RFX6: variants seen among roughly 807,000 people sequenced by gnomAD.
The protein encoded by RFX6 is DNA-binding protein RFX6.
RFX6 carries 50 observed loss-of-function variants against 110.8 expected under a neutral mutation model. The ratio of observed to expected loss-of-function variants is 0.45; its 90% CI spans 0.36 to 0.57. RFX6 has a LOEUF of 0.57. RFX6 is among the 20% of genes least tolerant of loss of function. RFX6 has a pLI of 0.00. For missense variants in RFX6, 990 were observed against 1,127.0 expected, an observed-to-expected ratio of 0.88 and a Z score of 1.74; for synonymous variants, 383 against 411.2, an observed-to-expected ratio of 0.93 and a Z score of 0.83.
chr6:116,894,375 A>G (rs1284453020), intron 5 of RFX6, among the ~76,000 whole-genome samples: 2 of 152,200 alleles, frequency 1.3e-5, no homozygotes, highest in African/African-American at 4.8e-5. Flanking sequence ...GTTGGATTCA[A>G]TAAAACAAAG....
intron 7 of RFX6, among the ~76,000 whole-genome samples, chr6:116,915,637 TTAC>T (rs568276557): frequency 6.6e-6 from 1 of 152,136 alleles, no homozygotes; most frequent in Non-Finnish European, 1.5e-5. Flanking sequence ...CAAATCTTTG[TTAC>T]TACTTTTACT....
At position 116,882,477 on chromosome 6, in the gene RFX6, T is replaced by G. The variant is rs756044365; in HGVS notation, c.566+49T>G. Reference sequence around the variant, plus strand: ...AGGTTCTGCTCTTGTGCATGAAGATTGACACAGATGTAAAATAAGTATTGT... The same window carrying G: ...AGGTTCTGCTCTTGTGCATGAAGATGGACACAGATGTAAAATAAGTATTGT... On this transcript the variant is annotated intron_variant, in intron 4 of 18. Transcript: ENST00000332958. The G allele has an allele frequency of 2.4e-6, 3 of 1,271,484 alleles. No homozygotes were observed. The African/African-American group carries it at 4.4e-5, about 19-fold the overall frequency. The allele number at this position is 1,271,484 out of a possible 1,614,324, so 78.8% of individuals were successfully genotyped here.
chr6:116,928,966 T>A lies in RFX6; in HGVS notation c.2606T>A (p.Val869Asp). The A allele has an allele frequency of 6.3e-7, 1 of 1,596,842 alleles. No homozygotes were observed. Among genetic ancestry groups the A allele is most frequent in the Admixed American group, 1.7e-5 (1 of 59,982 alleles). Residue 869 changes from valine (V) to aspartate (D), a missense_variant, in exon 18 of 19, where the codon GTC becomes GAC. Around this residue, in one of 5 missense-constraint regions of RFX6, gnomAD observed 438 missense variants for 441.9 expected, o/e 0.99. Transcript: ENST00000332958. ...TCTCCAGTTGCATGTCGAACTCCAG[T>A]CCTAGGTAAATTATTTTAGCAGTTC... ...TSSPVACRTP[V>D]LASSLQTPIP...
At position 116,927,143 on chromosome 6, in the gene RFX6, G is replaced by C; in HGVS notation, c.2002G>C (p.Val668Leu). ...QGPMAGRPPS[V>L]GPVLSAPSHC... ...ACCAATGGCAGGGAGGCCCCCAAGTGTGGGCCCAGTACTGTCAGCTCCATC... is the reference window on the plus strand; with the variant it reads ...ACCAATGGCAGGGAGGCCCCCAAGTCTGGGCCCAGTACTGTCAGCTCCATC... The change falls in exon 17 of 19, where the codon GTG becomes CTG. Residue 668 changes from valine (V) to leucine (L), a missense_variant. By Grantham distance (32) the Val-to-Leu change is conservative. Around this residue, in one of 5 missense-constraint regions of RFX6, gnomAD observed 438 missense variants for 441.9 expected, o/e 0.99. Transcript: ENST00000332958. 6.2e-7 allele frequency: 1 copy of C among 1,614,156 alleles called. No individual in the cohort carries two copies. Among genetic ancestry groups the C allele is most frequent in the South Asian group, 1.1e-5 (1 of 91,078 alleles).
At chr6:116,917,970 C>A in intron 9 of RFX6, 67 bp from the exon 10 acceptor site, 1 of 1,100,872 alleles carries the variant, frequency 9.1e-7, no homozygotes, top group South Asian at 1.3e-5. Flanking sequence ...AGTAGTTGAC[C>A]AATAATATGT....
chr6:116,908,211 C>A (rs913156174), intron 6 of RFX6, among the ~76,000 whole-genome samples: 27 of 152,126 alleles, frequency 1.8e-4, no homozygotes, highest in African/African-American at 6.5e-4. Flanking sequence ...TTCATGTGAT[C>A]AAATTTTTTA....
At chr6:116,887,691 C>T (rs1012901547) in intron 4 of RFX6, among the ~76,000 whole-genome samples, 9 of 152,102 alleles carry the variant, frequency 5.9e-5, no homozygotes, top group African/African-American at 9.7e-5. Flanking sequence ...ATGTACAAAG[C>T]GTGATGCTAA....
intron 16 of RFX6, among the ~76,000 whole-genome samples, chr6:116,926,203 T>C (rs1325749683): frequency 6.6e-6 from 1 of 152,032 alleles, no homozygotes; most frequent in Non-Finnish European, 1.5e-5. Flanking sequence ...CTGTACTCTC[T>C]CTTGAACCCA....
At position 116,927,508 on chromosome 6, in the gene RFX6, A is replaced by G. The variant is rs1775772353; in HGVS notation, c.2367A>G (p.Gln789=). 6.2e-7 allele frequency: 1 copy of G among 1,613,858 alleles called. No homozygotes were observed. Among genetic ancestry groups the G allele is most frequent in the Non-Finnish European group, 8.5e-7 (1 of 1,180,034 alleles). Residue 789 remains glutamine (Q), a synonymous_variant, in exon 17 of 19, where the codon CAA becomes CAG. Transcript: ENST00000332958. The part of the protein sequence containing the change: ...FLSNTGAASC[Q]GATLPPNSPN... Reference sequence around the variant, plus strand: ...GCAACACAGGAGCTGCCAGCTGCCAAGGAGCAACACTGCCTCCTAATTCAC... The same window carrying G: ...GCAACACAGGAGCTGCCAGCTGCCAGGGAGCAACACTGCCTCCTAATTCAC...
intron 6 of RFX6, among the ~76,000 whole-genome samples, chr6:116,908,356 C>A (rs1156581852): frequency 6.6e-6 from 1 of 151,878 alleles, no homozygotes; most frequent in African/African-American, 2.4e-5. Flanking sequence ...AGCAACTTTG[C>A]TAAAAAAAAC....
At chr6:116,888,740 C>T (rs1351646922) in intron 4 of RFX6, among the ~76,000 whole-genome samples, 2 of 152,122 alleles carry the variant, frequency 1.3e-5, no homozygotes, top group Non-Finnish European at 2.9e-5. Flanking sequence ...ACCAGCATAT[C>T]TTCTTGTTAT....
chr6:116,877,600 A>G (rs1774490945), intron 1 of RFX6, 102 bp downstream of exon 1: 5 of 1,097,804 alleles, frequency 4.6e-6, no homozygotes, highest in Non-Finnish European at 6.5e-6. Context: ...TAAGGCAGAT[A>G]TAGAATGTTC....
chr6:116,890,683 G>A (rs1197021747), intron 4 of RFX6, among the ~76,000 whole-genome samples: 1 of 152,112 alleles, frequency 6.6e-6, no homozygotes, highest in Non-Finnish European at 1.5e-5. Context: ...GAGTGTAGCT[G>A]ACCAAGTCAT....
intron 4 of RFX6, among the ~76,000 whole-genome samples, chr6:116,893,212 T>C (rs1774867793): frequency 6.6e-6 from 1 of 152,218 alleles, no homozygotes; most frequent in South Asian, 2.1e-4. Flanking sequence ...TAGAGGACTC[T>C]GACTATCCTC....
chr6:116,930,346 A>G (rs539623095), intron 18 of RFX6, among the ~76,000 whole-genome samples: 1 of 147,412 alleles, frequency 6.8e-6, no homozygotes, highest in South Asian at 2.3e-4. Context: ...ATACAGGGCT[A>G]GTGAGCCAGT....
intron 6 of RFX6, among the ~76,000 whole-genome samples, chr6:116,899,523 G>A (rs1475379570): frequency 1.3e-5 from 2 of 151,978 alleles, no homozygotes; most frequent in Non-Finnish European, 1.5e-5. Flanking sequence ...GTATTTATAA[G>A]GTTTTAGTGT....
intron 6 of RFX6, among the ~76,000 whole-genome samples, chr6:116,905,973 A>G (rs1401606624): frequency 6.6e-6 from 1 of 151,430 alleles, no homozygotes; most frequent in Non-Finnish European, 1.5e-5. Context: ...TAAAATTTTT[A>G]TAGTTTTAGC....
intron 6 of RFX6, among the ~76,000 whole-genome samples, chr6:116,897,340 T>C (rs376239450): frequency 2.6e-5 from 4 of 152,148 alleles, no homozygotes; most frequent in African/African-American, 9.7e-5. Flanking sequence ...ACCCATTACA[T>C]TCCAGTAGCA....
chr6:116,880,692 T>A, intron 3 of RFX6, 25 bp downstream of exon 3: 2 of 1,612,576 alleles, frequency 1.2e-6, no homozygotes, highest in Non-Finnish European at 1.7e-6. Context: ...TTGGCTATAG[T>A]GACTTATAAC....
Sources: allele counts gnomAD v4.1 joint callset (sites outside exome capture counted in the v4.1 genomes callset), GRCh38; gene constraint gnomAD v4.1.1; regional missense constraint gnomAD v4.1.1; transcripts MANE v1.5; gene names NCBI Gene and HGNC (gene_info 2026-07-23, HGNC 2026-07-21).